HEPH: variants seen among roughly 807,000 people sequenced by gnomAD.
The protein encoded by HEPH is hephaestin.
A neutral mutation model predicts 80.8 loss-of-function variants in HEPH; 69 were observed. The ratio of observed to expected loss-of-function variants is 0.85; its 90% CI spans 0.70 to 1.04. HEPH has a LOEUF of 1.04. Among genes scored for constraint, HEPH ranks in the 50% least tolerant of loss-of-function variants. The pLI is 0.00. For synonymous variants in HEPH, 431 were observed against 322.8 expected (o/e 1.34, Z -3.60); for missense variants, 1,115 against 891.3 (o/e 1.25, Z -3.20).
chrX:66,255,982 G>T (rs1419384091), intron 16 of HEPH, 123 bp from the exon 17 acceptor site: 1 of 463,776 alleles, frequency 2.2e-6, no homozygotes, highest in Non-Finnish European at 3.7e-6. Flanking sequence ...ATAAATGTAA[G>T]ATATCATGAG....
intron 15 of HEPH, among the ~76,000 whole-genome samples, chrX:66,234,086 A>G (rs1004710693): frequency 9.1e-6 from 1 of 109,610 alleles, no homozygotes; most frequent in Non-Finnish European, 1.9e-5. Flanking sequence ...AGTAAGCTCC[A>G]GTGTCTGTTG....
Position 66,200,611 on chromosome X carries a change from C to A in HEPH, c.1936C>A (p.Leu646Met). 8.3e-7 allele frequency: 1 copy of A among 1,210,037 alleles called. No individual in the cohort carries two copies. Among genetic ancestry groups the A allele is most frequent in the East Asian group, 3.0e-5 (1 of 33,802 alleles). The change falls in exon 12 of 21, where the codon CTG becomes ATG. Residue 646 changes from leucine to methionine, a missense_variant. Physicochemically the swap from Leu to Met is conservative, Grantham distance 15. Coordinates refer to ENST00000343002, the MANE Select transcript of HEPH (RefSeq NM_001367233.3). Reference protein sequence around the residue: ...MCKGDTVAWHLLGLGTETDVH... With the variant: ...MCKGDTVAWHMLGLGTETDVH... ...CAAGGGTGACACAGTGGCCTGGCAC[C>A]TGCTCGGCCTGGGCACAGAGACTGA...
rs1160264271 is a variant in HEPH at position 66,193,606 on chromosome X, A to T, written c.1337A>T (p.His446Leu). ...GATGAGACATTCCAAGAGAAGATGC[A>T]TTTGGAGGAAGATAGGCATCTTGGA... Reference protein sequence around the residue: ...FQDETFQEKMHLEEDRHLGIL... With the variant: ...FQDETFQEKMLLEEDRHLGIL... The change falls in exon 8 of 21, where the codon CAT becomes CTT. Residue 446 changes from histidine to leucine, a missense_variant. This residue lies in a region of HEPH where 391 missense variants were observed against 343.6 expected (regional missense o/e 1.14). Coordinates refer to ENST00000343002, the MANE Select transcript of HEPH (RefSeq NM_001367233.3). 1.7e-6 allele frequency: 2 copies of T among 1,193,257 alleles called. No individual in the cohort carries two copies. Among genetic ancestry groups the T allele is most frequent in the Admixed American group, 4.5e-5 (2 of 44,615 alleles).
intron 9 of HEPH, among the ~76,000 whole-genome samples, chrX:66,196,897 T>C (rs1011268874): frequency 9.4e-6 from 1 of 106,666 alleles, no homozygotes; most frequent in African/African-American, 3.4e-5. Flanking sequence ...TTTGGTGTAC[T>C]TTTTTTTTTT....
At chrX:66,194,152 C>T (rs1036693138) in intron 8 of HEPH, among the ~76,000 whole-genome samples, 1 of 111,026 alleles carries the variant, frequency 9.0e-6, no homozygotes, top group African/African-American at 3.3e-5. Flanking sequence ...GGTTTAGTAG[C>T]ATGATGGAAC....
intron 12 of HEPH, among the ~76,000 whole-genome samples, chrX:66,202,986 A>G (rs2088550456): frequency 9.5e-6 from 1 of 104,804 alleles, no homozygotes; most frequent in South Asian, 4.2e-4. Flanking sequence ...GTATATATAT[A>G]TGATTTATAT....
chrX:66,255,277 TA>T (rs1391640582), intron 16 of HEPH, 136 bp downstream of exon 16: 2 of 389,866 alleles, frequency 5.1e-6, no homozygotes, highest in East Asian at 8.0e-5. Flanking sequence ...AAGCTGGACT[TA>T]TTTTAATAGA....
intron 15 of HEPH, among the ~76,000 whole-genome samples, chrX:66,232,246 G>T (rs755351327): frequency 9.0e-6 from 1 of 110,715 alleles, no homozygotes; most frequent in South Asian, 3.8e-4. Context: ...TCTCTTTTTT[G>T]GTTGTGTCTC....
chrX:66,265,350 G>A (rs1430100559), intron 20 of HEPH, among the ~76,000 whole-genome samples: 1 of 110,726 alleles, frequency 9.0e-6, no homozygotes, highest in East Asian at 2.8e-4. Flanking sequence ...TGTACAAAAA[G>A]GGCAAGCAAT....
intron 15 of HEPH, among the ~76,000 whole-genome samples, chrX:66,220,786 C>T (rs1048201649): frequency 9.0e-6 from 1 of 111,161 alleles, no homozygotes; most frequent in Non-Finnish European, 1.9e-5. Flanking sequence ...CCCACCAGTC[C>T]TCAGACCTTA....
At chrX:66,192,444 T>A in intron 7 of HEPH, 146 bp downstream of exon 7, 1 of 620,486 alleles carries the variant, frequency 1.6e-6, no homozygotes, top group South Asian at 3.5e-5. Context: ...GTTAGCCAAG[T>A]TCTTGTGTCC....
At chrX:66,180,664 G>T (rs1602232131) in intron 4 of HEPH, among the ~76,000 whole-genome samples, 1 of 54,714 alleles carries the variant, frequency 1.8e-5, no homozygotes, top group Admixed American at 2.1e-4. Flanking sequence ...TTTTTTTTCA[G>T]TCATTATTTG....
intron 9 of HEPH, among the ~76,000 whole-genome samples, chrX:66,195,606 G>T (rs2088045626): frequency 9.0e-6 from 1 of 110,759 alleles, no homozygotes; most frequent in African/African-American, 3.3e-5. Context: ...GTACAGTTTT[G>T]CATCCTACTA....
chrX:66,193,563 C>T lies in HEPH; in HGVS notation c.1294C>T (p.Arg432Ter). 8.4e-7 allele frequency: 1 copy of T among 1,186,543 alleles called. No homozygotes were observed. Among genetic ancestry groups the T allele is most frequent in the Non-Finnish European group, 1.1e-6 (1 of 877,044 alleles). Residue 432 changes from arginine (R) to a stop codon, truncating the protein, a stop_gained, in exon 8 of 21, where the codon CGA becomes TGA. Coordinates refer to ENST00000343002, the MANE Select transcript of HEPH (RefSeq NM_001367233.3). LOFTEE classifies it high-confidence loss of function. ...AATTGGGGGCACTTACTGGAAAGTG[C>T]GATATGAAGCCTTTCAAGATGAGAC... ...SRIGGTYWKV[R>*]YEAFQDETFQ...
Position 66,267,281 on chromosome X carries a change from G to C in HEPH, c.*609G>C, listed in dbSNP as rs1271209650. The C allele has an allele frequency of 8.9e-6, 1 of 112,456 alleles. No individual in the cohort carries two copies. The highest frequency in any genetic ancestry group is 3.2e-5 in the African/African-American group (1 of 30,880). 9.3% of individuals were successfully genotyped at this position (112,456 alleles called of 1,213,427 possible). On this transcript the variant is annotated 3_prime_UTR_variant, in exon 21 of 21. Transcript: ENST00000343002. ...CTGGAGCTAGAAGCTCCTCAGGAAA[G>C]CCAGTTCTCCAAGTTCTTAACCTGT...
In HEPH at chrX:66,258,958, T is replaced by C; in HGVS notation, c.3015T>C (p.His1005=). Residue 1005 remains histidine, a synonymous_variant, in exon 18 of 21, where the codon CAT becomes CAC. Transcript: ENST00000343002. ...QDVDLHTIHF[H]AESFLYRNGE... is the part of the protein sequence containing the mutation. ...TGGATCTACACACCATCCACTTTCA[T>C]GCAGAGAGCTTCCTCTATCGGGTGA... 8.3e-7 allele frequency: 1 copy of C among 1,203,435 alleles called. No homozygotes were observed. The highest frequency in any genetic ancestry group is 1.1e-6 in the Non-Finnish European group (1 of 892,206).
chrX:66,197,978 G>T, intron 10 of HEPH, 84 bp downstream of exon 10: 1 of 827,916 alleles, frequency 1.2e-6, no homozygotes. Flanking sequence ...CATGGAACTG[G>T]GTTCTAAAGT....
chrX:66,193,363 C>A, intron 7 of HEPH, 139 bp from the exon 8 acceptor site: 1 of 352,690 alleles, frequency 2.8e-6, no homozygotes, highest in Non-Finnish European at 5.0e-6. Context: ...GAGATATCTT[C>A]ACTGGTGGGA....
intron 4 of HEPH, 140 bp from the exon 5 acceptor site, chrX:66,188,219 A>C: frequency 4.2e-6 from 2 of 472,154 alleles, no homozygotes. Context: ...AAATTAATCT[A>C]AGAGGGTTAT....
Sources: gnomAD v4.1 joint callset for allele counts (sites outside exome capture counted in the v4.1 genomes callset) on GRCh38, gnomAD v4.1.1 for gene constraint, gnomAD v4.1.1 regional missense constraint, MANE v1.5 for transcripts, NCBI Gene and HGNC (gene_info 2026-07-23, HGNC 2026-07-21) for gene names.